CDKL5: variants seen among roughly 807,000 people sequenced by gnomAD.
CDKL5 encodes cyclin-dependent kinase-like 5.
In CDKL5, 8 loss-of-function variants were observed where a neutral mutation model predicts 61.7. The observed-to-expected ratio is 0.13, with a 90% confidence interval of 0.08 to 0.23. CDKL5 has a LOEUF of 0.23. Ranked by LOEUF, CDKL5 falls within the 10% of genes least tolerant of loss-of-function variation. The pLI, the probability that CDKL5 is intolerant of heterozygous loss-of-function variation, is 1.00. For missense variants in CDKL5, 440 were observed against 734.5 expected (o/e 0.60, Z 4.63); for synonymous variants, 275 against 272.3 (o/e 1.01, Z -0.10).
chrX:18,512,655 A>G lies in CDKL5; in HGVS notation c.99+1801A>G, dbSNP rs191976312. 5.1e-3 allele frequency among the ~76,000 whole-genome samples: 572 copies of G among 111,212 alleles called. 2 individuals are homozygous for G. Among genetic ancestry groups the G allele is most frequent in the Non-Finnish European group, 5.3e-3 (281 of 52,929 alleles). On this transcript the variant is annotated intron_variant, in intron 3 of 17. Transcript: ENST00000623535. Reference sequence around the variant, plus strand: ...TACTATTGGTTCTTGATTAAGGATGATTAAGAATTTAAAATAATAAATATA... The same window carrying G: ...TACTATTGGTTCTTGATTAAGGATGGTTAAGAATTTAAAATAATAAATATA...
chrX:18,538,768 C>A (rs1923927390), intron 3 of CDKL5, among the ~76,000 whole-genome samples: 1 of 112,108 alleles, frequency 8.9e-6, no homozygotes. Flanking sequence ...TTCTCTGTCC[C>A]TCTTCTAGTT....
downstream of CDKL5, among the ~76,000 whole-genome samples, chrX:18,642,907 A>C (rs1246166738): frequency 1.8e-5 from 2 of 110,473 alleles, no homozygotes; most frequent in Non-Finnish European, 3.8e-5. Context: ...AGCCAGGCGC[A>C]GTGGCAGGTG....
At chrX:18,551,808 G>A in intron 3 of CDKL5, among the ~76,000 whole-genome samples, 1 of 107,645 alleles carries the variant, frequency 9.3e-6, no homozygotes, top group Admixed American at 1.0e-4. Context: ...GCCCAGGCTA[G>A]TATTGAACTC....
At chrX:18,509,031 T>G (rs1187865956) in intron 2 of CDKL5, among the ~76,000 whole-genome samples, 1 of 107,446 alleles carries the variant, frequency 9.3e-6, no homozygotes, top group Non-Finnish European at 1.9e-5. Context: ...AGGTGGAGGT[T>G]GCAGTGAGTG....
chrX:18,587,665 G>A, intron 8 of CDKL5: 1 of 333,280 alleles, frequency 3.0e-6, no homozygotes. Flanking sequence ...TATGTATACT[G>A]TATTAGGGTT....
At chrX:18,560,333 TTTC>T (rs1924758512) in intron 3 of CDKL5, among the ~76,000 whole-genome samples, 1 of 111,701 alleles carries the variant, frequency 9.0e-6, no homozygotes, top group Admixed American at 9.5e-5. Flanking sequence ...AAAATGACCT[TTTC>T]TAACAAACCA....
chrX:18,616,612 C>T (rs1279666804), intron 15 of CDKL5, among the ~76,000 whole-genome samples: 2 of 105,088 alleles, frequency 1.9e-5, no homozygotes, highest in Non-Finnish European at 3.9e-5. Context: ...GCAACAAGAG[C>T]GAAACTCCGT....
Position 18,630,651 on chromosome X carries a change from A to C in CDKL5, c.*1894A>C, listed in dbSNP as rs1927207508. ...AAATACTATAATGTGTATTGATTAT[A>C]TAGATAGGTCATTTTAAGGTGCTTT... On this transcript the variant is annotated 3_prime_UTR_variant, in exon 18 of 18. Coordinates refer to ENST00000623535, the MANE Select transcript of CDKL5 (RefSeq NM_001323289.2). 6 of 733,465 alleles carry C rather than the reference A, an allele frequency of 8.2e-6. No individual in the cohort carries two copies. In the South Asian group the frequency reaches 2.1e-4, roughly 26 times the overall value. 60.4% of individuals were successfully genotyped at this position (733,465 alleles called of 1,213,427 possible). A position where few individuals can be genotyped will look rare whatever the true frequency, so the allele number is the denominator to read the frequency against.
chrX:18,512,676 A>C (rs1401790966), intron 3 of CDKL5, among the ~76,000 whole-genome samples: 1 of 111,262 alleles, frequency 9.0e-6, no homozygotes, highest in Non-Finnish European at 1.9e-5. Context: ...AAAATAATAA[A>C]TATAATAAAA....
chrX:18,647,027 C>A (rs1927802237), intron 20 of CDKL5, among the ~76,000 whole-genome samples: 1 of 111,196 alleles, frequency 9.0e-6, no homozygotes, highest in Non-Finnish European at 1.9e-5. Context: ...AGCAATTCTC[C>A]TGCCTCAGCC....
chrX:18,531,728 C>T (rs1460627347), intron 3 of CDKL5, among the ~76,000 whole-genome samples: 4 of 103,322 alleles, frequency 3.9e-5, no homozygotes, highest in Non-Finnish European at 7.7e-5. Context: ...GAGATGGAGT[C>T]TCGCTCTGTC....
At position 18,598,551 on chromosome X, in the gene CDKL5, T is replaced by C. The variant is rs1170498240; in HGVS notation, c.915T>C (p.Arg305=). 2.5e-6 allele frequency: 3 copies of C among 1,207,948 alleles called. No homozygotes were observed. The highest frequency in any genetic ancestry group is 3.4e-6 in the Non-Finnish European group (3 of 893,204). ...TTCAAACCCAGAGACTTCTGGATCG[T>C]TCTCCTTCAAGGTCAGCAAAAAGAA... ...PTFQTQRLLD[R]SPSRSAKRKP... The change falls in exon 11 of 18, where the codon CGT becomes CGC. Residue 305 remains arginine (R), a synonymous_variant. Transcript: ENST00000623535.
intron 12 of CDKL5, among the ~76,000 whole-genome samples, chrX:18,605,459 C>G (rs1926331351): frequency 8.9e-6 from 1 of 111,814 alleles, no homozygotes; most frequent in Non-Finnish European, 1.9e-5. Flanking sequence ...CATCGTCAAA[C>G]TCTAGAACTG....
At chrX:18,526,103 C>T (rs1020799476) in intron 3 of CDKL5, among the ~76,000 whole-genome samples, 1 of 112,447 alleles carries the variant, frequency 8.9e-6, no homozygotes, top group Non-Finnish European at 1.9e-5. Flanking sequence ...TTATTTAGAT[C>T]ATCTTTGATT....
At chrX:18,511,068 C>G (rs951497747) in intron 3 of CDKL5, among the ~76,000 whole-genome samples, 6 of 111,206 alleles carry the variant, frequency 5.4e-5, no homozygotes, top group African/African-American at 2.0e-4. Flanking sequence ...ACACAAAATT[C>G]ATTTATGTTT....
At chrX:18,609,867 A>G (rs1339606101) in intron 14 of CDKL5, among the ~76,000 whole-genome samples, 2 of 112,322 alleles carry the variant, frequency 1.8e-5, no homozygotes, top group African/African-American at 6.5e-5. Context: ...AAGCCATAAC[A>G]TACTTATTGA....
chrX:18,594,072 T>C (rs963397894), intron 9 of CDKL5, among the ~76,000 whole-genome samples: 3 of 112,606 alleles, frequency 2.7e-5, no homozygotes, highest in Admixed American at 1.9e-4. Flanking sequence ...CAGAGCATGG[T>C]GTGGAGATGA....
chrX:18,500,847 T>TA (rs956470249), intron 1 of CDKL5, among the ~76,000 whole-genome samples: 6 of 111,173 alleles, frequency 5.4e-5, no homozygotes, highest in African/African-American at 2.0e-4. Context: ...TTATTTTTTT[T>TA]ATTTGTTTTG....
rs1927221568 is a variant in CDKL5, at chrX:18,631,075, C to T, written c.*2318C>T. On this transcript the variant is annotated 3_prime_UTR_variant, in exon 18 of 18. Transcript: ENST00000623535. ...TTGCCATGCTGTGGCATTCGAGGCTCGTCACCTAGGGGCTGGTTTCCCATG... is the reference window on the plus strand; with the variant it reads ...TTGCCATGCTGTGGCATTCGAGGCTTGTCACCTAGGGGCTGGTTTCCCATG... 5.3e-6 allele frequency: 4 copies of T among 749,701 alleles called. No individual in the cohort carries two copies. Among genetic ancestry groups the T allele is most frequent in the Non-Finnish European group, 4.7e-6 (3 of 638,413 alleles). The allele number at this position is 749,701 out of a possible 1,213,427, so 61.8% of individuals were successfully genotyped here.
Sources: gnomAD v4.1 joint callset for allele counts (sites outside exome capture counted in the v4.1 genomes callset) on GRCh38, gnomAD v4.1.1 for gene constraint, MANE v1.5 for transcripts, NCBI Gene and HGNC (gene_info 2026-07-23, HGNC 2026-07-21) for gene names.